MMP16: variants seen among roughly 807,000 people sequenced by gnomAD.
MMP16 encodes matrix metalloproteinase-16.
In MMP16, 12 loss-of-function variants were observed where a neutral mutation model predicts 67.8. The observed-to-expected ratio is 0.18, with a 90% CI of 0.11 to 0.29. MMP16 has a LOEUF of 0.29. Ranked by LOEUF, MMP16 falls within the 10% of genes least tolerant of loss-of-function variation. MMP16 has a pLI of 1.00. For missense variants in MMP16, 475 were observed against 765.7 expected (o/e 0.62, Z 4.48); for synonymous variants, 249 against 255.9 (o/e 0.97, Z 0.26).
chr8:88,189,202 T>G (rs1007000076), intron 2 of MMP16, among the ~76,000 whole-genome samples: 2 of 152,192 alleles, frequency 1.3e-5, no homozygotes, highest in Admixed American at 1.3e-4. Context: ...AGCCCCTTCC[T>G]TACTGAGCTC....
chr8:88,146,794 A>G (rs1218051893), intron 4 of MMP16, among the ~76,000 whole-genome samples: 1 of 151,956 alleles, frequency 6.6e-6, no homozygotes, highest in African/African-American at 2.4e-5. Context: ...CCAAAATAAA[A>G]AAAAAAACTA....
chr8:88,188,829 A>C (rs1484043188), intron 2 of MMP16, among the ~76,000 whole-genome samples: 1 of 151,962 alleles, frequency 6.6e-6, no homozygotes, highest in Non-Finnish European at 1.5e-5. Context: ...CTAATTTTGT[A>C]TTTTTAGTAG....
chr8:88,172,625 A>G (rs966397050), intron 3 of MMP16, among the ~76,000 whole-genome samples: 1 of 152,172 alleles, frequency 6.6e-6, no homozygotes, highest in African/African-American at 2.4e-5. Context: ...AGTCTGAAAA[A>G]CTTAATGAAG....
At chr8:88,243,463 G>A (rs886328867) in intron 1 of MMP16, among the ~76,000 whole-genome samples, 2 of 152,038 alleles carry the variant, frequency 1.3e-5, no homozygotes, top group Non-Finnish European at 2.9e-5. Flanking sequence ...CAGTAGTCCC[G>A]GTCATTCTTG....
Position 88,149,185 on chromosome 8 carries a change from T to C in MMP16, c.709+18484A>G, listed in dbSNP as rs559573657. On this transcript the variant is annotated intron_variant, in intron 4 of 9. Transcript: ENST00000286614. ...AAAAACGGCGCACCACGAAACCATA[T>C]CCCACACCTGGCTCGGAGGGTCCTA... Among the ~76,000 whole-genome samples, 328 of 152,218 alleles carry C rather than the reference T, an allele frequency of 2.2e-3. 1 individual carries two copies. The highest frequency in any genetic ancestry group is 7.6e-3 in the African/African-American group (314 of 41,536).
chr8:88,327,025 A>G, intron 1 of MMP16, 50 bp downstream of exon 1: 2 of 1,609,018 alleles, frequency 1.2e-6, no homozygotes, highest in Non-Finnish European at 1.7e-6. Context: ...GAAATGTTTC[A>G]GGGAGCAGCC....
At chr8:88,111,780 G>C (rs1435721410) in intron 6 of MMP16, among the ~76,000 whole-genome samples, 1 of 151,670 alleles carries the variant, frequency 6.6e-6, no homozygotes, top group African/African-American at 2.4e-5. Flanking sequence ...GATGTTATGT[G>C]ATGTTTATGA....
chr8:88,178,645 T>C (rs1586191184), intron 3 of MMP16, among the ~76,000 whole-genome samples: 3 of 152,326 alleles, frequency 2.0e-5, no homozygotes, highest in Admixed American at 2.0e-4. Context: ...TTTCATGTAT[T>C]ACAGCTTTTA....
chr8:88,294,901 T>C (rs780832292), intron 1 of MMP16, among the ~76,000 whole-genome samples: 88 of 152,172 alleles, frequency 5.8e-4, no homozygotes, highest in Non-Finnish European at 8.2e-4. Flanking sequence ...TTAGTAGAGA[T>C]GGGGTTTCAC....
chr8:88,247,222 A>C (rs1448958445), intron 1 of MMP16, among the ~76,000 whole-genome samples: 2 of 152,168 alleles, frequency 1.3e-5, no homozygotes, highest in South Asian at 2.1e-4. Flanking sequence ...ATACAGTAGG[A>C]AAATTTTGTA....
chr8:88,242,964 T>G (rs1810055855), intron 1 of MMP16, among the ~76,000 whole-genome samples: 1 of 152,142 alleles, frequency 6.6e-6, no homozygotes, highest in African/African-American at 2.4e-5. Flanking sequence ...AGATAGGCAT[T>G]TATTTGGAAA....
At chr8:88,183,712 C>CTTTTTT (rs71277981) in intron 3 of MMP16, among the ~76,000 whole-genome samples, 2,200 of 91,900 alleles carry the variant, frequency 0.024, 29 homozygotes, top group Non-Finnish European at 0.035. Flanking sequence ...AAATGTCCTT[C>CTTTTTT]TTTTTTTTTT....
chr8:88,224,494 A>G (rs1400848454), intron 1 of MMP16, among the ~76,000 whole-genome samples: 1 of 152,010 alleles, frequency 6.6e-6, no homozygotes, highest in African/African-American at 2.4e-5. Flanking sequence ...CATCTATGCC[A>G]CTTGTACACA....
chr8:88,225,770 C>G (rs1809759492), intron 1 of MMP16, among the ~76,000 whole-genome samples: 1 of 151,880 alleles, frequency 6.6e-6, no homozygotes, highest in Non-Finnish European at 1.5e-5. Flanking sequence ...TTTCACTTCT[C>G]CCATAAGCCA....
At position 88,048,741 on chromosome 8, in the gene MMP16, A is replaced by C. The variant is rs74472166; in HGVS notation, c.1374-1957T>G. On this transcript the variant is annotated intron_variant, in intron 8 of 9. Coordinates refer to ENST00000286614, the MANE Select transcript of MMP16 (RefSeq NM_005941.5). ...TTGACAATGCTTTTCCCCCCACTAAACATCTATGGTGATCTACTAAAGCTA... is the reference window on the plus strand; with the variant it reads ...TTGACAATGCTTTTCCCCCCACTAACCATCTATGGTGATCTACTAAAGCTA... Among the ~76,000 whole-genome samples, 672 of 152,262 alleles carry C rather than the reference A, an allele frequency of 4.4e-3. 3 individuals carry two copies. Among genetic ancestry groups the C allele is most frequent in the African/African-American group, 0.015 (637 of 41,542 alleles).
chr8:88,055,585 G>A (rs1369262184), intron 8 of MMP16, among the ~76,000 whole-genome samples: 3 of 152,168 alleles, frequency 2.0e-5, no homozygotes, highest in Admixed American at 6.6e-5. Flanking sequence ...AAAAAAATAA[G>A]AGAGTAAAAT....
intron 4 of MMP16, among the ~76,000 whole-genome samples, chr8:88,148,997 G>T (rs927826822): frequency 1.3e-5 from 2 of 152,198 alleles, no homozygotes; most frequent in South Asian, 2.1e-4. Context: ...CAGGCCAGTG[G>T]GTGCGCGCAC....
rs1346047667 is a variant in MMP16, at chr8:88,033,197, AC to A, written c.*8263del. 2.0e-5 allele frequency: 3 copies of A among 151,618 alleles called. No individual in the cohort carries two copies. The highest frequency in any genetic ancestry group is 6.6e-5 in the Admixed American group (1 of 15,148). The allele number at this position is 151,618 out of a possible 1,614,324, so 9.4% of individuals were successfully genotyped here. ...TTGCAATTACTTGAATCTCATTCTG[AC>A]TCTGAATGATAAATGTCTGTGCATT... On this transcript the variant is annotated 3_prime_UTR_variant, in exon 10 of 10. Coordinates refer to ENST00000286614, the MANE Select transcript of MMP16 (RefSeq NM_005941.5).
At chr8:88,175,292 AC>A (rs1378259129) in intron 3 of MMP16, among the ~76,000 whole-genome samples, 1 of 152,018 alleles carries the variant, frequency 6.6e-6, no homozygotes, top group Non-Finnish European at 1.5e-5. Context: ...CACCACTCTC[AC>A]CCCAATTCCT....
Sources: gnomAD v4.1 joint callset for allele counts (sites outside exome capture counted in the v4.1 genomes callset) on GRCh38, gnomAD v4.1.1 for gene constraint, MANE v1.5 for transcripts, NCBI Gene and HGNC (gene_info 2026-07-23, HGNC 2026-07-21) for gene names.